FAM53C: variants seen among roughly 807,000 people sequenced by gnomAD.
FAM53C encodes the protein protein FAM53C.
Under a neutral mutation model 34.7 loss-of-function variants are expected in FAM53C, and 10 were observed. That is an observed-to-expected ratio of 0.29 (90% CI 0.18 to 0.49). FAM53C has a LOEUF of 0.49. Among genes scored for constraint, FAM53C ranks in the 20% least tolerant of loss-of-function variants. The pLI is 0.99. For missense variants in FAM53C, 442 were observed against 515.3 expected, an observed-to-expected ratio of 0.86 and a Z score of 1.38; for synonymous variants, 203 against 203.6, an observed-to-expected ratio of 1.00 and a Z score of 0.03.
Position 138,346,983 on chromosome 5 carries a change from C to T in FAM53C, c.*24C>T, listed in dbSNP as rs774690767. The T allele has an allele frequency of 5.0e-6, 8 of 1,611,592 alleles. No individual in the cohort carries two copies. In the South Asian group the frequency reaches 7.7e-5, roughly 15 times the overall value. Reference sequence around the variant, plus strand: ...AAAACTGAGAGGCTACTTCCTGGGGCCACACAGACTGACTCTCTCATGGCT... The same window carrying T: ...AAAACTGAGAGGCTACTTCCTGGGGTCACACAGACTGACTCTCTCATGGCT... On this transcript the variant is annotated 3_prime_UTR_variant, in exon 5 of 5. Coordinates refer to ENST00000239906, the MANE Select transcript of FAM53C (RefSeq NM_016605.3).
At chr5:138,346,497 A>G (rs1363203525) in intron 4 of FAM53C, among the ~76,000 whole-genome samples, 1 of 152,150 alleles carries the variant, frequency 6.6e-6, no homozygotes, top group Non-Finnish European at 1.5e-5. Context: ...TGGGCCGGGC[A>G]CCTGTAGTCC....
Position 138,346,733 on chromosome 5 carries a change from A to G in FAM53C, c.953A>G (p.Glu318Gly). 6.2e-7 allele frequency: 1 copy of G among 1,614,196 alleles called. No individual in the cohort carries two copies. Among genetic ancestry groups the G allele is most frequent in the Non-Finnish European group, 8.5e-7 (1 of 1,180,046 alleles). Residue 318 changes from glutamate (E) to glycine (G), a missense_variant, in exon 5 of 5, where the codon GAA becomes GGA. Physicochemically the swap from Glu to Gly is moderately conservative, Grantham distance 98. Coordinates refer to ENST00000239906, the MANE Select transcript of FAM53C (RefSeq NM_016605.3). Reference protein sequence around the residue: ...KPYSGGLCLQETAREGSSISP... With the variant: ...KPYSGGLCLQGTAREGSSISP... The stretch of plus-strand genomic sequence containing the variant: ...TACTCAGGAGGTCTTTGTCTCCAAG[A>G]AACAGCCCGGGAAGGCAGCAGCATC...
chr5:138,341,969 G>A lies in FAM53C; in HGVS notation c.136+103G>A, dbSNP rs1580854618. On this transcript the variant is annotated intron_variant, in intron 3 of 4. Coordinates refer to ENST00000239906, the MANE Select transcript of FAM53C (RefSeq NM_016605.3). ...ACCAGGGCTAGCGAGCCTACCTCTA[G>A]AACCTTCTTGCCAGGGTCAACTTCT... is the stretch of plus-strand genomic sequence containing the variant. 4.7e-6 allele frequency: 5 copies of A among 1,063,402 alleles called. No homozygotes were observed. The East Asian group carries it at 1.2e-4, about 26-fold the overall frequency. 65.9% of individuals were successfully genotyped at this position (1,063,402 alleles called of 1,614,324 possible).
chr5:138,340,050 C>G (rs1479448860), intron 1 of FAM53C, among the ~76,000 whole-genome samples: 1 of 152,152 alleles, frequency 6.6e-6, no homozygotes, highest in African/African-American at 2.4e-5. Context: ...TTCATTACTT[C>G]TGACATTCTG....
rs1449368459 is a variant in FAM53C, at chr5:138,349,542, C to T, written c.*2583C>T. 1 of 152,640 alleles carries T rather than the reference C, an allele frequency of 6.6e-6. No individual in the cohort carries two copies. Among genetic ancestry groups the T allele is most frequent in the Non-Finnish European group, 1.5e-5 (1 of 68,052 alleles). 9.5% of individuals were successfully genotyped at this position (152,640 alleles called of 1,614,324 possible). A position where few individuals can be genotyped will look rare whatever the true frequency, so the allele number is the denominator to read the frequency against. On this transcript the variant is annotated 3_prime_UTR_variant, in exon 5 of 5. Transcript: ENST00000239906. ...GTGGCAGCTCAGCTGCCCTTCACTC[C>T]CACCTGCTGCCAAAGTCCCTGTGCT...
In FAM53C at chr5:138,348,345, T is replaced by C. The variant is rs1406973068; in HGVS notation, c.*1386T>C. On this transcript the variant is annotated 3_prime_UTR_variant, in exon 5 of 5. Transcript: ENST00000239906. ...CAGCTGGTCCAAGTGGCCACAGTGA[T>C]GGGTTTAAGTACCTTGGTAGGGCTG... is the stretch of plus-strand genomic sequence containing the variant. 1 of 152,456 alleles carries C rather than the reference T, an allele frequency of 6.6e-6. No homozygotes were observed. The highest frequency in any genetic ancestry group is 1.5e-5 in the Non-Finnish European group (1 of 68,020). The allele number at this position is 152,456 out of a possible 1,614,324, so 9.4% of individuals were successfully genotyped here.
In FAM53C at chr5:138,345,744, T is replaced by G; in HGVS notation, c.921+135T>G. 1.9e-6 allele frequency: 2 copies of G among 1,050,358 alleles called. No homozygotes were observed. Among genetic ancestry groups the G allele is most frequent in the Non-Finnish European group, 2.7e-6 (2 of 732,404 alleles). 65.1% of individuals were successfully genotyped at this position (1,050,358 alleles called of 1,614,324 possible). A position where few individuals can be genotyped will look rare whatever the true frequency, so the allele number is the denominator to read the frequency against. On this transcript the variant is annotated intron_variant, in intron 4 of 4. Coordinates refer to ENST00000239906, the MANE Select transcript of FAM53C (RefSeq NM_016605.3). The surrounding 1 kb of genome is among the most constrained non-coding windows in gnomAD (Gnocchi z 6.3). ...CACCTCCTTTAGCTCTTAGCTAGGG[T>G]GACCTACCATCCCAGTTTGCCTGGG...
At chr5:138,341,676 CAA>C (rs928729109) in intron 2 of FAM53C, 131 bp from the exon 3 acceptor site, 1 of 854,468 alleles carries the variant, frequency 1.2e-6, no homozygotes, top group East Asian at 2.5e-5. Flanking sequence ...TTTGGGAAGA[CAA>C]GAGGAAGAAC....
chr5:138,349,286 T>C lies in FAM53C; in HGVS notation c.*2327T>C, dbSNP rs1159081084. 2.6e-5 allele frequency: 4 copies of C among 152,710 alleles called. No individual in the cohort carries two copies. Among genetic ancestry groups the C allele is most frequent in the African/African-American group, 9.6e-5 (4 of 41,476 alleles). The allele number at this position is 152,710 out of a possible 1,614,324, so 9.5% of individuals were successfully genotyped here. ...AAAAGCAGCCTATGATTGCTTCTTT[T>C]TGTAAAGCAAGCAACCTCCCTCCAC... On this transcript the variant is annotated 3_prime_UTR_variant, in exon 5 of 5. Coordinates refer to ENST00000239906, the MANE Select transcript of FAM53C (RefSeq NM_016605.3).
upstream of FAM53C, chr5:138,338,096 C>A (rs1000431470): frequency 3.1e-6 from 4 of 1,289,688 alleles, no homozygotes; most frequent in African/African-American, 6.1e-5. Context: ...AGGCTCGTTC[C>A]CAACAGCGCT....
upstream of FAM53C, chr5:138,338,068 T>C: frequency 7.8e-7 from 1 of 1,289,698 alleles, no homozygotes; most frequent in Non-Finnish European, 1.0e-6. Context: ...ACCACCCCCA[T>C]CCCTAAATCA....
chr5:138,337,816 C>T (rs1399869858), upstream of FAM53C: 9 of 473,172 alleles, frequency 1.9e-5, no homozygotes, highest in South Asian at 1.5e-4. Context: ...GGGATTCCTT[C>T]GAAGAGGTGG....
intron 1 of FAM53C, among the ~76,000 whole-genome samples, chr5:138,338,592 C>A (rs1305055239): frequency 3.8e-5 from 2 of 52,988 alleles, no homozygotes; most frequent in African/African-American, 1.5e-4. Flanking sequence ...CTGGCGCACC[C>A]CCCCCCCCGC....
At chr5:138,340,989 ATTTTATT>A (rs1472994682) in intron 1 of FAM53C, among the ~76,000 whole-genome samples, 188 bp from the exon 2 acceptor site, 1 of 152,184 alleles carries the variant, frequency 6.6e-6, no homozygotes, top group Non-Finnish European at 1.5e-5. Flanking sequence ...TGCCAACTCT[ATTTTATT>A]TCATATCTGG....
intron 1 of FAM53C, among the ~76,000 whole-genome samples, chr5:138,340,429 T>G (rs1427122985): frequency 6.6e-6 from 1 of 152,220 alleles, no homozygotes; most frequent in Non-Finnish European, 1.5e-5. Flanking sequence ...CAGGTAATTG[T>G]GTGGGCTTGA....
At chr5:138,341,913 C>T (rs755506412) in intron 3 of FAM53C, 47 bp downstream of exon 3, 13 of 1,573,138 alleles carry the variant, frequency 8.3e-6, no homozygotes, top group African/African-American at 2.7e-5. Context: ...CCATTCCTCT[C>T]TCCACACATT....
intron 1 of FAM53C, among the ~76,000 whole-genome samples, chr5:138,339,590 T>C (rs981467221): frequency 1.3e-5 from 2 of 152,308 alleles, no homozygotes; most frequent in East Asian, 3.9e-4. Flanking sequence ...GCCTGGGGTC[T>C]CTAGGGTAAA....
At chr5:138,343,141 A>G (rs1441462468) in intron 3 of FAM53C, 1 of 152,116 alleles carries the variant, frequency 6.6e-6, no homozygotes. Flanking sequence ...TACACTGCAT[A>G]GATGTACAGT....
At chr5:138,341,999 TTGACAGTTGTCTTTCA>T in intron 3 of FAM53C, 133 bp downstream of exon 3, 1 of 762,570 alleles carries the variant, frequency 1.3e-6, no homozygotes, top group Non-Finnish European at 2.3e-6. Context: ...ACTTCTGAGA[TTGACAGTTGTCTTTCA>T]TGTTCTAGCA....
Sources: allele counts gnomAD v4.1 joint callset (sites outside exome capture counted in the v4.1 genomes callset), GRCh38; gene constraint gnomAD v4.1.1; non-coding constraint Gnocchi (gnomAD v3.1); transcripts MANE v1.5; gene names NCBI Gene and HGNC (gene_info 2026-07-23, HGNC 2026-07-21).